BFSP1: variants seen among roughly 807,000 people sequenced by gnomAD.
The protein encoded by BFSP1 is filensin.
In BFSP1, 38 loss-of-function variants were observed where a neutral mutation model predicts 43.9. That is an observed-to-expected ratio of 0.87 (90% CI 0.67 to 1.14). BFSP1 has a LOEUF of 1.14. Among genes scored for constraint, BFSP1 ranks in the 50% most tolerant of loss-of-function variants. The pLI, the probability that BFSP1 is intolerant of heterozygous loss-of-function variation, is 0.00. For synonymous variants in BFSP1, 352 were observed against 354.8 expected, an observed-to-expected ratio of 0.99 and a Z score of 0.09; for missense variants, 850 against 875.1, an observed-to-expected ratio of 0.97 and a Z score of 0.36.
chr20:17,531,219 C>T lies in BFSP1; in HGVS notation c.111G>A (p.Gly37=), dbSNP rs759199022. The T allele has an allele frequency of 1.1e-5, 15 of 1,351,262 alleles. No individual in the cohort carries two copies. The highest frequency in any genetic ancestry group is 1.4e-5 in the Non-Finnish European group (15 of 1,051,278). The allele number at this position is 1,351,262 out of a possible 1,614,324, so 83.7% of individuals were successfully genotyped here. A position where few individuals can be genotyped will look rare whatever the true frequency, so the allele number is the denominator to read the frequency against. Residue 37 remains glycine, a synonymous_variant, in exon 1 of 8, where the codon GGG becomes GGA. Coordinates refer to ENST00000377873, the MANE Select transcript of BFSP1 (RefSeq NM_001195.5). ...CCTGCAGCGCCGCCAGGCTCGTTGCCCCAGCCCAGCCCTCGTCGGCCGGGC... is the reference window on the plus strand; with the variant it reads ...CCTGCAGCGCCGCCAGGCTCGTTGCTCCAGCCCAGCCCTCGTCGGCCGGGC... The part of the protein sequence containing the change: ...PERPADEGWA[G]ATSLAALQGL...
rs117152332 is a variant in BFSP1, at chr20:17,498,691, G to C, written c.956+129C>G. 5.3e-4 allele frequency: 583 copies of C among 1,095,850 alleles called. 10 individuals are homozygous for C. In the East Asian group the frequency reaches 0.015, roughly 28 times the overall value. The allele number at this position is 1,095,850 out of a possible 1,614,324, so 67.9% of individuals were successfully genotyped here. ...CTACTAGTTATCCAACACCCATGGG[G>C]TCAGGAATTGTTCTGTTTCCTTCCC... On this transcript the variant is annotated intron_variant, in intron 6 of 7. Coordinates refer to ENST00000377873, the MANE Select transcript of BFSP1 (RefSeq NM_001195.5).
chr20:17,531,706 A>C (rs1600668382), upstream of BFSP1, among the ~76,000 whole-genome samples: 1 of 152,244 alleles, frequency 6.6e-6, no homozygotes, highest in East Asian at 1.9e-4. Flanking sequence ...GAACTCTTTA[A>C]ACTTGGACTA....
intron 1 of BFSP1, among the ~76,000 whole-genome samples, chr20:17,548,270 GTC>G (rs1401787637): frequency 4.0e-5 from 6 of 150,566 alleles, no homozygotes; most frequent in Non-Finnish European, 7.4e-5. Flanking sequence ...TTTCTCTCTA[GTC>G]TCTCATTTTT....
Position 17,494,216 on chromosome 20 carries a change from T to C in BFSP1, c.1856A>G (p.Tyr619Cys), listed in dbSNP as rs750956030. The C allele has an allele frequency of 3.8e-5, 61 of 1,614,108 alleles. No individual in the cohort carries two copies. Among genetic ancestry groups the C allele is most frequent in the Non-Finnish European group, 4.9e-5 (58 of 1,180,060 alleles). ...PEKGPPKALAYKTVEVVESIE... is the reference protein window; with the variant it reads ...PEKGPPKALACKTVEVVESIE... ...AGATTCCACCACTTCCACTGTCTTA[T>C]AGGCCAAAGCCTTGGGAGGGCCTTT... Residue 619 changes from tyrosine to cysteine, a missense_variant, in exon 8 of 8, where the codon TAT becomes TGT. Coordinates refer to ENST00000377873, the MANE Select transcript of BFSP1 (RefSeq NM_001195.5).
At chr20:17,529,719 G>A (rs929352073) in intron 1 of BFSP1, among the ~76,000 whole-genome samples, 2 of 152,192 alleles carry the variant, frequency 1.3e-5, no homozygotes, top group Non-Finnish European at 2.9e-5. Context: ...AGATCCTGCT[G>A]CAGTGAGTAT....
intron 5 of BFSP1, among the ~76,000 whole-genome samples, chr20:17,500,473 A>G (rs1295746794): frequency 6.6e-6 from 1 of 152,226 alleles, no homozygotes; most frequent in Admixed American, 6.5e-5. Context: ...ACGTTCACTC[A>G]CATGTCTGTG....
At chr20:17,510,973 C>T (rs6080728) in intron 4 of BFSP1, among the ~76,000 whole-genome samples, 46,419 of 150,530 alleles carry the variant, frequency 0.31, 7,725 homozygotes, top group African/African-American at 0.42. Context: ...GGTTTTTTTG[C>T]TTCTTGTTTG....
intron 1 of BFSP1, among the ~76,000 whole-genome samples, chr20:17,543,063 CT>C (rs1400437844): frequency 6.6e-6 from 1 of 152,196 alleles, no homozygotes; most frequent in Non-Finnish European, 1.5e-5. Flanking sequence ...TTTCTTTCCC[CT>C]GGAATAATGG....
At chr20:17,539,515 G>A (rs1167739711) in intron 1 of BFSP1, among the ~76,000 whole-genome samples, 2 of 152,124 alleles carry the variant, frequency 1.3e-5, no homozygotes, top group African/African-American at 2.4e-5. Flanking sequence ...GGGAGGCTGA[G>A]GCAGGTGGAT....
intron 1 of BFSP1, among the ~76,000 whole-genome samples, chr20:17,542,782 TTAGAC>T (rs969248076): frequency 4.6e-5 from 7 of 152,214 alleles, no homozygotes; most frequent in Non-Finnish European, 8.8e-5. Flanking sequence ...TTTTAAAAAA[TTAGAC>T]TAGAATTAGA....
chr20:17,559,297 A>C (rs1199080141), upstream of BFSP1, among the ~76,000 whole-genome samples: 1 of 152,184 alleles, frequency 6.6e-6, no homozygotes. Flanking sequence ...TCTAGAGCCC[A>C]AGGCCTAGAG....
chr20:17,500,974 G>A (rs984890558), intron 5 of BFSP1, among the ~76,000 whole-genome samples: 9 of 152,118 alleles, frequency 5.9e-5, no homozygotes, highest in Non-Finnish European at 8.8e-5. Flanking sequence ...CCACCTGAGG[G>A]TGTTAAGAGT....
chr20:17,548,180 C>CAAAAAAAAAAAAAAAAAAA (rs11470598), intron 1 of BFSP1, among the ~76,000 whole-genome samples: 3 of 119,848 alleles, frequency 2.5e-5, no homozygotes, highest in Non-Finnish European at 3.3e-5. Flanking sequence ...GAAAATAATG[C>CAAAAAAAAAAAAAAAAAAA]AAAAAAAAAA....
intron 1 of BFSP1, among the ~76,000 whole-genome samples, chr20:17,542,986 A>T (rs2034744183): frequency 6.6e-6 from 1 of 152,220 alleles, no homozygotes; most frequent in Non-Finnish European, 1.5e-5. Flanking sequence ...TAGTTTCAGC[A>T]CCGCTAGAGG....
chr20:17,502,826 A>G (rs2033835932), intron 5 of BFSP1, among the ~76,000 whole-genome samples: 1 of 152,218 alleles, frequency 6.6e-6, no homozygotes, highest in Non-Finnish European at 1.5e-5. Context: ...GTGCAGCCAC[A>G]TCTCACCCAC....
chr20:17,554,816 A>T (rs2034962837), intron 1 of BFSP1, among the ~76,000 whole-genome samples: 1 of 152,222 alleles, frequency 6.6e-6, no homozygotes, highest in African/African-American at 2.4e-5. Context: ...CTTATATCTC[A>T]TTCCCATAAC....
upstream of BFSP1, among the ~76,000 whole-genome samples, chr20:17,535,501 A>G (rs1421113042): frequency 6.6e-6 from 1 of 152,258 alleles, no homozygotes; most frequent in Non-Finnish European, 1.5e-5. Context: ...AATGCACTCC[A>G]GCCTGGCAAC....
At chr20:17,531,828 T>TC (rs1207681974), upstream of BFSP1, among the ~76,000 whole-genome samples, 2 of 152,218 alleles carry the variant, frequency 1.3e-5, no homozygotes, top group African/African-American at 4.8e-5. Context: ...TTCTTTTTTT[T>TC]TTCTTTTGGT....
At chr20:17,502,689 C>T (rs2033832406) in intron 5 of BFSP1, among the ~76,000 whole-genome samples, 2 of 152,298 alleles carry the variant, frequency 1.3e-5, no homozygotes, top group Middle Eastern at 6.8e-3. Flanking sequence ...TCTAAAATTA[C>T]TTCTGAATAA....
Sources: allele counts gnomAD v4.1 joint callset (sites outside exome capture counted in the v4.1 genomes callset), GRCh38; gene constraint gnomAD v4.1.1; transcripts MANE v1.5; gene names NCBI Gene and HGNC (gene_info 2026-07-23, HGNC 2026-07-21).